SCOC: variants seen among roughly 807,000 people sequenced by gnomAD.
SCOC encodes short coiled-coil protein, also known as short coiled coil protein.
SCOC carries 7 observed loss-of-function variants against 9.9 expected under a neutral mutation model. The ratio of observed to expected loss-of-function variants is 0.71; its 90% CI spans 0.40 to 1.33. The LOEUF is 1.33. SCOC is among the 40% of genes most tolerant of loss of function. SCOC has a pLI of 0.01. For missense variants in SCOC, 66 were observed against 89.7 expected (o/e 0.74, Z 1.07); for synonymous variants, 19 against 28.2 (o/e 0.67, Z 1.03).
chr4:140,274,940 TGC>T (rs1730947390), intron 1 of SCOC, among the ~76,000 whole-genome samples: 2 of 152,250 alleles, frequency 1.3e-5, no homozygotes. Context: ...TAATCTTTCT[TGC>T]TTCTAATCTA....
At chr4:140,318,017 AG>A (rs1236258258) in intron 1 of SCOC, among the ~76,000 whole-genome samples, 1 of 151,720 alleles carries the variant, frequency 6.6e-6, no homozygotes, top group Non-Finnish European at 1.5e-5. Context: ...GTCCCTACAA[AG>A]GACATGAACT....
chr4:140,373,741 A>T, intron 1 of SCOC, 24 bp downstream of exon 1: 2 of 1,540,524 alleles, frequency 1.3e-6, no homozygotes, highest in Non-Finnish European at 1.7e-6. Context: ...CGGGCAGCGG[A>T]GGGCCTGGCC....
At chr4:140,293,126 T>A in intron 1 of SCOC, 2 of 367,140 alleles carry the variant, frequency 5.4e-6, no homozygotes, top group Non-Finnish European at 1.1e-5. Context: ...GCTCATGTGT[T>A]CCCCCCTATA....
chr4:140,379,368 T>C (rs530424057), intron 2 of SCOC, among the ~76,000 whole-genome samples, 176 bp downstream of exon 2: 1 of 152,314 alleles, frequency 6.6e-6, no homozygotes, highest in South Asian at 2.1e-4. Context: ...ATTCCTTAGC[T>C]ATGAGAGGTT....
rs574182184 is a variant in SCOC, at chr4:140,291,366, C to T, written c.-19+33956C>T. 6.2e-4 allele frequency: 281 copies of T among 455,392 alleles called. 2 individuals are homozygous for T. The highest frequency in any genetic ancestry group is 3.2e-3 in the South Asian group (205 of 64,404). 28.2% of individuals were successfully genotyped at this position (455,392 alleles called of 1,614,324 possible). A position where few individuals can be genotyped will look rare whatever the true frequency, so the allele number is the denominator to read the frequency against. On this transcript the variant is annotated intron_variant, in intron 1 of 4. Coordinates refer to the SCOC transcript ENST00000394205. ...CCTAAAGACTTCACGTGGTGGCAGC[C>T]GCCTGGCTCTTCATATACCTTACCT...
chr4:140,369,328 C>A, upstream of SCOC: 1 of 409,134 alleles, frequency 2.4e-6, no homozygotes, highest in Admixed American at 3.2e-5. Flanking sequence ...GAACAGCATT[C>A]ATTCTCCAAT....
chr4:140,282,518 G>A (rs1243148913), intron 1 of SCOC, among the ~76,000 whole-genome samples: 1 of 152,146 alleles, frequency 6.6e-6, no homozygotes, highest in Non-Finnish European at 1.5e-5. Context: ...CCTTCCTGTG[G>A]AGGTGATAGA....
At chr4:140,271,445 C>T (rs371905239) in intron 1 of SCOC, among the ~76,000 whole-genome samples, 7 of 152,296 alleles carry the variant, frequency 4.6e-5, no homozygotes, top group African/African-American at 1.7e-4. Context: ...TTTTAATGAG[C>T]TAAATGCATC....
intron 1 of SCOC, among the ~76,000 whole-genome samples, chr4:140,286,453 G>A (rs1215134023): frequency 6.6e-6 from 1 of 152,112 alleles, no homozygotes; most frequent in African/African-American, 2.4e-5. Context: ...CCCAAACTCT[G>A]TCCTTTTAAC....
At chr4:140,283,893 T>TG (rs1242129132) in intron 1 of SCOC, 2 of 152,174 alleles carry the variant, frequency 1.3e-5, no homozygotes, top group Non-Finnish European at 2.9e-5. Context: ...GGGCACAAAA[T>TG]GGGGAAGTCC....
At chr4:140,287,583 A>C (rs975770992) in intron 1 of SCOC, among the ~76,000 whole-genome samples, 7 of 152,034 alleles carry the variant, frequency 4.6e-5, no homozygotes, top group Non-Finnish European at 8.8e-5. Flanking sequence ...GCACATGCAT[A>C]TACCATATAT....
chr4:140,285,220 C>T (rs753424570), intron 1 of SCOC: 18 of 456,640 alleles, frequency 3.9e-5, no homozygotes, highest in Non-Finnish European at 7.0e-5. Flanking sequence ...GTATTTCTTC[C>T]TCTGCCTCCC....
At chr4:140,289,993 T>G (rs189293140) in intron 1 of SCOC, among the ~76,000 whole-genome samples, 1 of 152,350 alleles carries the variant, frequency 6.6e-6, no homozygotes, top group Non-Finnish European at 1.5e-5. Context: ...TCCATTGACA[T>G]GCCTCTACCC....
At chr4:140,370,219 C>T (rs1003906702), upstream of SCOC, among the ~76,000 whole-genome samples, 1 of 152,046 alleles carries the variant, frequency 6.6e-6, no homozygotes, top group Non-Finnish European at 1.5e-5. Context: ...TGGGTAGAGA[C>T]AATAATTTTT....
intron 1 of SCOC, among the ~76,000 whole-genome samples, chr4:140,320,854 TGCTAGG>T (rs1732480529): frequency 6.6e-6 from 1 of 152,146 alleles, no homozygotes; most frequent in African/African-American, 2.4e-5. Flanking sequence ...CAGGAATATT[TGCTAGG>T]CCAGCACTAC....
intron 1 of SCOC, among the ~76,000 whole-genome samples, chr4:140,316,152 C>T (rs1427220227): frequency 6.6e-6 from 1 of 152,054 alleles, no homozygotes. Context: ...AGCTCCAGGG[C>T]CTCAGTCAAC....
chr4:140,338,881 A>G (rs919720569), upstream of SCOC, among the ~76,000 whole-genome samples: 3 of 152,222 alleles, frequency 2.0e-5, no homozygotes, highest in Non-Finnish European at 4.4e-5. Flanking sequence ...TGCCCAAGGT[A>G]ATTTATAGAT....
At chr4:140,319,915 T>C (rs1339766165) in intron 1 of SCOC, among the ~76,000 whole-genome samples, 1 of 152,104 alleles carries the variant, frequency 6.6e-6, no homozygotes, top group Non-Finnish European at 1.5e-5. Flanking sequence ...TACTGCCAAA[T>C]GCATAAAAAA....
chr4:140,368,382 A>T (rs1002961132), intron 2 of SCOC, among the ~76,000 whole-genome samples: 3 of 152,244 alleles, frequency 2.0e-5, no homozygotes, highest in Admixed American at 1.3e-4. Context: ...CGTATTTATT[A>T]TAATAAAATA....
Sources: allele counts gnomAD v4.1 joint callset (sites outside exome capture counted in the v4.1 genomes callset), GRCh38; gene constraint gnomAD v4.1.1; transcripts MANE v1.5; gene names NCBI Gene and HGNC (gene_info 2026-07-23, HGNC 2026-07-21).